Variants in FXR1 observed in about 807,000 individuals in gnomAD.
FXR1 encodes the protein RNA-binding protein FXR1.
In FXR1, 15 loss-of-function variants were observed where a neutral mutation model predicts 84.0. The ratio of observed to expected loss-of-function variants is 0.18; its 90% CI spans 0.12 to 0.27. FXR1 has a LOEUF of 0.27. Ranked by LOEUF, FXR1 falls within the 10% of genes least tolerant of loss-of-function variation. The probability of loss-of-function intolerance (pLI) is 1.00; values close to 1 mark genes in which losing one functional copy is unlikely to be tolerated. For synonymous variants in FXR1, 245 were observed against 250.7 expected, an observed-to-expected ratio of 0.98 and a Z score of 0.21; for missense variants, 480 against 774.4, an observed-to-expected ratio of 0.62 and a Z score of 4.51.
intron 8 of FXR1, among the ~76,000 whole-genome samples, chr3:180,951,874 G>A (rs910397390): frequency 2.6e-5 from 4 of 152,106 alleles, no homozygotes; most frequent in African/African-American, 9.7e-5. Flanking sequence ...TAATCATGAC[G>A]TTTGCAGGGG....
chr3:180,968,144 A>G lies in FXR1; in HGVS notation c.1292A>G (p.Asp431Gly), dbSNP rs780619805. The G allele has an allele frequency of 2.0e-5, 33 of 1,613,442 alleles. No individual in the cohort carries two copies. In the East Asian group the frequency reaches 7.1e-4, roughly 35 times the overall value. The change falls in exon 14 of 17, where the codon GAC becomes GGC. Residue 431 changes from aspartate (D) to glycine (G), a missense_variant. Physicochemically the swap from Asp to Gly is moderately conservative, Grantham distance 94. Around this residue, in one of 6 missense-constraint regions of FXR1, gnomAD observed 157 missense variants for 227.8 expected, o/e 0.69. Transcript: ENST00000357559. ...TCATTGGCAGGAGAAGATGATCGAGACAGCCGACATCAGCGTGACAGCAGG... is the reference window on the plus strand; with the variant it reads ...TCATTGGCAGGAGAAGATGATCGAGGCAGCCGACATCAGCGTGACAGCAGG... ...DWSLAGEDDR[D>G]SRHQRDSRRR... is the part of the protein sequence containing the mutation.
rs141182913 is a variant in FXR1 at position 180,939,574 on chromosome 3, A to G, written c.198+4343A>G. Among the ~76,000 whole-genome samples, 433 of 152,308 alleles carry G rather than the reference A, an allele frequency of 2.8e-3. 1 individual carries two copies. Among genetic ancestry groups the G allele is most frequent in the African/African-American group, 1.0e-2 (415 of 41,572 alleles). On this transcript the variant is annotated intron_variant, in intron 3 of 16. Coordinates refer to ENST00000357559, the MANE Select transcript of FXR1 (RefSeq NM_005087.4). ...AGCATGCCACATTTCCAGCCCATCAATAGATTCACCAGCCCGGGAGCTCTA... is the reference window on the plus strand; with the variant it reads ...AGCATGCCACATTTCCAGCCCATCAGTAGATTCACCAGCCCGGGAGCTCTA...
chr3:180,916,429 T>G (rs1717901461), intron 1 of FXR1, among the ~76,000 whole-genome samples: 1 of 152,222 alleles, frequency 6.6e-6, no homozygotes, highest in South Asian at 2.1e-4. Context: ...AATCTTGCTC[T>G]TTTGCCCGGG....
intron 13 of FXR1, among the ~76,000 whole-genome samples, chr3:180,964,360 G>T (rs961956888): frequency 1.3e-5 from 2 of 152,062 alleles, no homozygotes; most frequent in South Asian, 4.1e-4. Context: ...TGGATGATGC[G>T]TATGATGAAT....
At position 180,940,578 on chromosome 3, in the gene FXR1, C is replaced by CTT. The variant is rs1559991795; in HGVS notation, c.198+5348_198+5349insTT. On this transcript the variant is annotated intron_variant, in intron 3 of 16. Coordinates refer to ENST00000357559, the MANE Select transcript of FXR1 (RefSeq NM_005087.4). ...TAACGTGTTTAGTTTTTGTTTTTTT[C>CTT]TGTTTTCTTTTTTTTTTGGAGATGG... Among the ~76,000 whole-genome samples, 42 of 128,438 alleles carry CTT rather than the reference C, an allele frequency of 3.3e-4. 1 individual carries two copies. The allele number at this position is 128,438 out of a possible 152,430, so 84.3% of individuals were successfully genotyped here. A position where few individuals can be genotyped will look rare whatever the true frequency, so the allele number is the denominator to read the frequency against.
intron 1 of FXR1, among the ~76,000 whole-genome samples, chr3:180,929,573 C>T (rs1016591750): frequency 4.6e-5 from 7 of 152,224 alleles, no homozygotes; most frequent in Admixed American, 2.6e-4. Flanking sequence ...GAGAGACAGT[C>T]GAAATCCCCA....
intron 15 of FXR1, among the ~76,000 whole-genome samples, 197 bp from the exon 16 acceptor site, chr3:180,975,116 G>A (rs1458768874): frequency 6.6e-6 from 1 of 152,092 alleles, no homozygotes; most frequent in African/African-American, 2.4e-5. Context: ...TCAATCTCAA[G>A]CTTGAAATTT....
At position 180,979,250 on chromosome 3, in the gene FXR1, A is replaced by T. The variant is rs1286177281; in HGVS notation, c.*2958A>T. The T allele has an allele frequency of 6.6e-6, 1 of 152,130 alleles. No individual in the cohort carries two copies. The highest frequency in any genetic ancestry group is 1.5e-5 in the Non-Finnish European group (1 of 67,992). 9.4% of individuals were successfully genotyped at this position (152,130 alleles called of 1,614,324 possible). On this transcript the variant is annotated 3_prime_UTR_variant, in exon 17 of 17. Transcript: ENST00000357559. ...AACAGATTTACGCTTTTGAGGCTCA[A>T]ACCAACTAGTGTTCTCATGGGCTGT...
At chr3:180,919,293 T>TG (rs1718276582) in intron 1 of FXR1, among the ~76,000 whole-genome samples, 1 of 150,876 alleles carries the variant, frequency 6.6e-6, no homozygotes, top group African/African-American at 2.4e-5. Context: ...TTTTTGTTTT[T>TG]TTTTTTTTTG....
intron 3 of FXR1, among the ~76,000 whole-genome samples, chr3:180,938,869 GTT>G (rs1424411859): frequency 6.6e-6 from 1 of 151,458 alleles, no homozygotes; most frequent in African/African-American, 2.4e-5. Flanking sequence ...TCTTTTTTGT[GTT>G]TTTTTCTTAG....
intron 14 of FXR1, among the ~76,000 whole-genome samples, chr3:180,969,436 C>T (rs773805418): frequency 6.6e-6 from 1 of 152,156 alleles, no homozygotes; most frequent in Non-Finnish European, 1.5e-5. Context: ...GTAATAAATG[C>T]ACATAGGTAA....
intron 11 of FXR1, among the ~76,000 whole-genome samples, chr3:180,962,421 G>A (rs755065301): frequency 1.3e-5 from 2 of 152,152 alleles, no homozygotes; most frequent in Non-Finnish European, 2.9e-5. Context: ...CTCAATTTCT[G>A]AATGACAAAG....
At chr3:180,938,232 T>G (rs757649200) in intron 3 of FXR1, among the ~76,000 whole-genome samples, 1 of 152,228 alleles carries the variant, frequency 6.6e-6, no homozygotes, top group African/African-American at 2.4e-5. Flanking sequence ...GGTTAATGTT[T>G]TTAAAAGTAT....
intron 10 of FXR1, among the ~76,000 whole-genome samples, chr3:180,958,774 T>A (rs1377185278): frequency 6.6e-6 from 1 of 152,026 alleles, no homozygotes; most frequent in African/African-American, 2.4e-5. Context: ...CCTTACACTT[T>A]TACATTGCTA....
rs1714201905 is a variant in FXR1 at position 180,976,070 on chromosome 3, A to G, written c.1696-52A>G. 9 of 1,428,662 alleles carry G rather than the reference A, an allele frequency of 6.3e-6. No individual in the cohort carries two copies. The South Asian group carries it at 9.0e-5, about 14-fold the overall frequency. The allele number at this position is 1,428,662 out of a possible 1,614,324, so 88.5% of individuals were successfully genotyped here. ...TGTTTATGTAGCTGTTTTCCTCCTCAGCTATAGATTTCATTTATAAAGAAG... is the reference window on the plus strand; with the variant it reads ...TGTTTATGTAGCTGTTTTCCTCCTCGGCTATAGATTTCATTTATAAAGAAG... On this transcript the variant is annotated intron_variant, in intron 16 of 16. Coordinates refer to ENST00000357559, the MANE Select transcript of FXR1 (RefSeq NM_005087.4).
chr3:180,926,757 C>G (rs971076242), intron 1 of FXR1, among the ~76,000 whole-genome samples: 1 of 151,712 alleles, frequency 6.6e-6, no homozygotes, highest in South Asian at 2.1e-4. Context: ...AGTTTGTTTA[C>G]TCCTTTATAA....
At chr3:180,948,132 A>G in intron 4 of FXR1, 196 bp downstream of exon 4, 1 of 607,946 alleles carries the variant, frequency 1.6e-6, no homozygotes, top group Non-Finnish European at 2.9e-6. Context: ...CTCCAGAGGT[A>G]CACCTCAAGC....
At chr3:180,950,751 G>A (rs1278727058) in intron 7 of FXR1, among the ~76,000 whole-genome samples, 1 of 151,830 alleles carries the variant, frequency 6.6e-6, no homozygotes, top group Non-Finnish European at 1.5e-5. Flanking sequence ...TTTGTGACTG[G>A]CATATTTTAC....
At position 180,971,123 on chromosome 3, in the gene FXR1, G is replaced by A. The variant is rs573078462; in HGVS notation, c.1603+765G>A. 2.3e-5 allele frequency: 30 copies of A among 1,276,790 alleles called. 1 individual carries two copies. Among genetic ancestry groups the A allele is most frequent in the East Asian group, 1.1e-4 (2 of 17,852 alleles). The allele number at this position is 1,276,790 out of a possible 1,614,324, so 79.1% of individuals were successfully genotyped here. A position where few individuals can be genotyped will look rare whatever the true frequency, so the allele number is the denominator to read the frequency against. On this transcript the variant is annotated intron_variant, in intron 15 of 16. Coordinates refer to ENST00000357559, the MANE Select transcript of FXR1 (RefSeq NM_005087.4). ...CGACGCAATCGTAGCCGCAGGCGTC[G>A]CTTCAGGGGTCAGGCAGAAGATAGA...
Sources: allele counts gnomAD v4.1 joint callset (sites outside exome capture counted in the v4.1 genomes callset), GRCh38; gene constraint gnomAD v4.1.1; regional missense constraint gnomAD v4.1.1; transcripts MANE v1.5; gene names NCBI Gene and HGNC (gene_info 2026-07-23, HGNC 2026-07-21).